Variants in STARD13 observed in about 807,000 individuals in gnomAD.
The protein encoded by STARD13 is stAR-related lipid transfer protein 13.
In STARD13, 62 loss-of-function variants were observed where a neutral mutation model predicts 106.4. The observed-to-expected ratio is 0.58, with a 90% CI of 0.48 to 0.72. The LOEUF (loss-of-function observed/expected upper bound fraction) is 0.72. Among genes scored for constraint, STARD13 ranks in the 30% least tolerant of loss-of-function variants. The probability of loss-of-function intolerance (pLI) is 0.00; values close to 1 mark genes in which losing one functional copy is unlikely to be tolerated. For synonymous variants in STARD13, 565 were observed against 553.0 expected, an observed-to-expected ratio of 1.02 and a Z score of -0.31; for missense variants, 1,387 against 1,424.0, an observed-to-expected ratio of 0.97 and a Z score of 0.42.
At chr13:33,622,305 A>T in the STARD13 span, among the ~76,000 whole-genome samples, 1 of 152,098 alleles carries the variant, frequency 6.6e-6, no homozygotes, top group African/African-American at 2.4e-5. Flanking sequence ...AAAATCTAAC[A>T]CTTTAATCTA....
At chr13:33,128,000 CAGATGTAGATGGAG>C (rs1178273122) in intron 5 of STARD13, among the ~76,000 whole-genome samples, 1 of 104,892 alleles carries the variant, frequency 9.5e-6, no homozygotes, top group Non-Finnish European at 2.4e-5. Context: ...AAGAGAGAGA[CAGATGTAGATGGAG>C]AGATGGAGAG....
chr13:33,455,410 C>T, the STARD13 span, among the ~76,000 whole-genome samples: 6 of 152,202 alleles, frequency 3.9e-5, no homozygotes, highest in East Asian at 1.2e-3. Flanking sequence ...CAGGCTGATG[C>T]CCCATATTAC....
chr13:33,451,689 C>T, the STARD13 span, among the ~76,000 whole-genome samples: 27 of 152,100 alleles, frequency 1.8e-4, no homozygotes, highest in Admixed American at 8.5e-4. Context: ...CTGTAAAAGA[C>T]GCTGAGATTG....
chr13:33,398,445 A>G, the STARD13 span, among the ~76,000 whole-genome samples: 1 of 152,190 alleles, frequency 6.6e-6, no homozygotes, highest in Non-Finnish European at 1.5e-5. Flanking sequence ...CTATATGGAA[A>G]TTGGTCAACT....
At chr13:33,377,469 C>T in the STARD13 span, among the ~76,000 whole-genome samples, 2 of 152,122 alleles carry the variant, frequency 1.3e-5, no homozygotes, top group Admixed American at 6.6e-5. Flanking sequence ...CCAGAATTGT[C>T]GGTACTACAA....
chr13:33,191,591 C>G (rs1485900912), intron 1 of STARD13, among the ~76,000 whole-genome samples: 2 of 152,192 alleles, frequency 1.3e-5, no homozygotes, highest in African/African-American at 2.4e-5. Context: ...CCAGAAAAAT[C>G]CACATGAACA....
chr13:33,161,104 C>T (rs1477647757), intron 3 of STARD13, among the ~76,000 whole-genome samples: 1 of 152,132 alleles, frequency 6.6e-6, no homozygotes, highest in Non-Finnish European at 1.5e-5. Flanking sequence ...ACTATTAAAA[C>T]ACATAGCAAC....
the STARD13 span, among the ~76,000 whole-genome samples, chr13:33,584,014 T>C: frequency 6.6e-6 from 1 of 152,268 alleles, no homozygotes; most frequent in East Asian, 1.9e-4. Context: ...ATCGTAATTC[T>C]ATCTGTAATT....
the STARD13 span, among the ~76,000 whole-genome samples, chr13:33,506,199 A>C: frequency 6.6e-6 from 1 of 152,192 alleles, no homozygotes; most frequent in Non-Finnish European, 1.5e-5. Flanking sequence ...CAACATAAGA[A>C]AGAAGCATTA....
chr13:33,495,810 AT>A, the STARD13 span, among the ~76,000 whole-genome samples: 1 of 146,930 alleles, frequency 6.8e-6, no homozygotes, highest in South Asian at 2.1e-4. Context: ...TAATCATTTT[AT>A]TATTACATAA....
chr13:33,499,534 C>CTTCTTCTTCTTTCTTTCT, the STARD13 span, among the ~76,000 whole-genome samples: 1 of 45,080 alleles, frequency 2.2e-5, no homozygotes, highest in African/African-American at 8.6e-5. Context: ...TCTTCTTCTT[C>CTTCTTCTTCTTTCTTTCT]TTCTTCTTCT....
At chr13:33,296,956 C>A (rs1388171220) in intron 1 of STARD13, among the ~76,000 whole-genome samples, 1 of 152,220 alleles carries the variant, frequency 6.6e-6, no homozygotes, top group East Asian at 1.9e-4. Context: ...TAAATGAGAT[C>A]ATGCGTCATT....
At chr13:33,547,410 A>T in the STARD13 span, among the ~76,000 whole-genome samples, 1 of 152,172 alleles carries the variant, frequency 6.6e-6, no homozygotes, top group African/African-American at 2.4e-5. Flanking sequence ...TTTTTTCACA[A>T]ATGTGGGAAT....
At chr13:33,349,368 T>A (rs1399423868) in intron 1 of STARD13, among the ~76,000 whole-genome samples, 4 of 152,190 alleles carry the variant, frequency 2.6e-5, no homozygotes, top group East Asian at 1.9e-4. Context: ...GCCCAGGAAC[T>A]GTGCTGTGGA....
chr13:33,621,596 C>T, the STARD13 span, among the ~76,000 whole-genome samples: 2 of 141,916 alleles, frequency 1.4e-5, no homozygotes, highest in African/African-American at 2.6e-5. Context: ...AGAAGAATGG[C>T]GTGAACCCGG....
intron 4 of STARD13, among the ~76,000 whole-genome samples, chr13:33,135,888 C>T (rs495297): frequency 0.32 from 49,248 of 151,778 alleles, 8,668 homozygotes; most frequent in Non-Finnish European, 0.41. Context: ...TTTGGAAGGC[C>T]GAGGCGAACA....
the STARD13 span, among the ~76,000 whole-genome samples, chr13:33,452,455 C>T: frequency 6.6e-6 from 1 of 152,184 alleles, no homozygotes; most frequent in Non-Finnish European, 1.5e-5. Flanking sequence ...ATACTGCCTC[C>T]AACTAGTCCC....
At chr13:33,471,761 G>A in the STARD13 span, among the ~76,000 whole-genome samples, 4 of 151,574 alleles carry the variant, frequency 2.6e-5, no homozygotes, top group South Asian at 2.1e-4. Context: ...CCTGAGAAAC[G>A]TTTAAGGATC....
chr13:33,657,792 T>C, the STARD13 span, among the ~76,000 whole-genome samples: 6 of 152,238 alleles, frequency 3.9e-5, no homozygotes, highest in African/African-American at 1.4e-4. Flanking sequence ...TTTCAACCTA[T>C]GCATTCATAC....
Sources: gnomAD v4.1 joint callset for allele counts (sites outside exome capture counted in the v4.1 genomes callset) on GRCh38, gnomAD v4.1.1 for gene constraint, MANE v1.5 for transcripts, NCBI Gene and HGNC (gene_info 2026-07-23, HGNC 2026-07-21) for gene names.